The following PARD3B variants were observed in gnomAD, a reference collection of about 807,000 sequenced individuals.
The protein encoded by PARD3B is par-3 family cell polarity regulator beta, also known as partitioning defective 3 homolog B.
PARD3B carries 103 observed loss-of-function variants against 130.2 expected under a neutral mutation model. The ratio of observed to expected loss-of-function variants is 0.79; its 90% CI spans 0.67 to 0.93. The LOEUF (loss-of-function observed/expected upper bound fraction) is 0.93. Among genes scored for constraint, PARD3B ranks in the 40% least tolerant of loss-of-function variants. The pLI, the probability that PARD3B is intolerant of heterozygous loss-of-function variation, is 0.00. For missense variants in PARD3B, 1,609 were observed against 1,499.2 expected (o/e 1.07, Z -1.21); for synonymous variants, 583 against 553.2 (o/e 1.05, Z -0.76).
At chr2:204,630,334 G>T (rs961820280) in intron 1 of PARD3B, among the ~76,000 whole-genome samples, 3 of 152,076 alleles carry the variant, frequency 2.0e-5, no homozygotes, top group Non-Finnish European at 2.9e-5. Flanking sequence ...AAAATGTTTT[G>T]AAGTGTCTGC....
In PARD3B at chr2:204,799,199, A is replaced by G. The variant is rs936091764; in HGVS notation, c.222+112917A>G. The stretch of plus-strand genomic sequence containing the variant: ...TCACCACAAGCTGCCTGAAAAGCCC[A>G]TGGGCCTCGAGGGAACATCTGCAGT... On this transcript the variant is annotated intron_variant, in intron 2 of 22. Transcript: ENST00000406610. This position sits in a 1 kb window ranked among gnomAD's most constrained non-coding sequence, Gnocchi z 4.1. Among the ~76,000 whole-genome samples the G allele has an allele frequency of 6.6e-6, 1 of 151,890 alleles. No individual in the cohort carries two copies. Among genetic ancestry groups the G allele is most frequent in the African/African-American group, 2.4e-5 (1 of 41,366 alleles).
At chr2:205,581,110 T>A (rs1257848939) in intron 22 of PARD3B, among the ~76,000 whole-genome samples, 1 of 151,920 alleles carries the variant, frequency 6.6e-6, no homozygotes, top group East Asian at 1.9e-4. Context: ...AGGGAATTGG[T>A]ATATCAAAGA....
chr2:204,794,346 A>G (rs567075609), intron 2 of PARD3B, among the ~76,000 whole-genome samples: 3 of 152,304 alleles, frequency 2.0e-5, no homozygotes, highest in East Asian at 1.9e-4. Context: ...ACATTAATGA[A>G]AGTAACGTGA....
At chr2:205,143,679 C>A (rs1362289485) in intron 10 of PARD3B, among the ~76,000 whole-genome samples, 2 of 152,104 alleles carry the variant, frequency 1.3e-5, no homozygotes, top group Non-Finnish European at 2.9e-5. Context: ...GTAGCCCGAG[C>A]CAGTATTTTA....
chr2:205,440,444 G>C lies in PARD3B; in HGVS notation c.2816G>C (p.Gly939Ala), dbSNP rs1311659137. Residue 939 changes from glycine to alanine, a missense_variant, in exon 20 of 23, where the codon GGA becomes GCA. By Grantham distance (60) the Gly-to-Ala change is moderately conservative (BLOSUM62 0). Coordinates refer to ENST00000406610, the MANE Select transcript of PARD3B (RefSeq NM_001302769.2). This position sits in a 1 kb window ranked among gnomAD's most constrained non-coding sequence, Gnocchi z 4.2. ...CTTGATTATGCTACTGGTGCAATTG[G>C]ATCAGTGTATGATATGGATGATGAT... is the stretch of plus-strand genomic sequence containing the variant. Reference protein sequence around the residue: ...GLLDYATGAIGSVYDMDDDEM... With the variant: ...GLLDYATGAIASVYDMDDDEM... 6.2e-7 allele frequency: 1 copy of C among 1,614,014 alleles called. No homozygotes were observed.
At chr2:204,909,332 G>A (rs1054066217) in intron 2 of PARD3B, among the ~76,000 whole-genome samples, 16 of 152,118 alleles carry the variant, frequency 1.1e-4, no homozygotes, top group African/African-American at 3.9e-4. Context: ...GATGTTTATT[G>A]CAGCATCATT....
intron 16 of PARD3B, among the ~76,000 whole-genome samples, chr2:205,248,979 C>A (rs1488850804): frequency 7.1e-6 from 1 of 141,486 alleles, no homozygotes; most frequent in Non-Finnish European, 1.5e-5. Flanking sequence ...CAAATTCTTT[C>A]TTCAGAATAT....
chr2:204,877,538 T>C, intron 2 of PARD3B, among the ~76,000 whole-genome samples: 1 of 152,200 alleles, frequency 6.6e-6, no homozygotes, highest in Admixed American at 6.6e-5. Flanking sequence ...TATAAGGTCC[T>C]GGAACCAATG....
At chr2:204,751,235 C>A (rs1179840402) in intron 2 of PARD3B, among the ~76,000 whole-genome samples, 3 of 152,136 alleles carry the variant, frequency 2.0e-5, no homozygotes, top group Non-Finnish European at 4.4e-5. Context: ...GATTGGAAAT[C>A]TTAATGGAGG....
At chr2:204,963,335 A>G (rs1690919463) in intron 2 of PARD3B, among the ~76,000 whole-genome samples, 1 of 152,182 alleles carries the variant, frequency 6.6e-6, no homozygotes, top group Non-Finnish European at 1.5e-5. Flanking sequence ...AAGCTTTTGT[A>G]TTATACTTCT....
chr2:204,963,398 T>C (rs1402338390), intron 2 of PARD3B, among the ~76,000 whole-genome samples: 1 of 152,184 alleles, frequency 6.6e-6, no homozygotes, highest in Non-Finnish European at 1.5e-5. Context: ...ACATGGGTTA[T>C]ACTGAGTTAA....
chr2:204,722,504 T>C (rs1021128042), intron 2 of PARD3B, among the ~76,000 whole-genome samples: 5 of 152,184 alleles, frequency 3.3e-5, no homozygotes, highest in African/African-American at 1.2e-4. Flanking sequence ...TTGGTTACCA[T>C]GCCCATTGCT....
chr2:204,914,264 T>G (rs2047359342), intron 2 of PARD3B, among the ~76,000 whole-genome samples: 1 of 152,160 alleles, frequency 6.6e-6, no homozygotes, highest in Non-Finnish European at 1.5e-5. Flanking sequence ...TAAATTCCAT[T>G]TTTCTCACCC....
At chr2:205,045,341 C>T (rs540957395) in intron 3 of PARD3B, among the ~76,000 whole-genome samples, 13 of 151,652 alleles carry the variant, frequency 8.6e-5, no homozygotes, top group African/African-American at 1.7e-4. Flanking sequence ...CTCCGCCTCC[C>T]GGGTTCAAGT....
intron 20 of PARD3B, among the ~76,000 whole-genome samples, chr2:205,472,985 A>G (rs2048892320): frequency 6.6e-6 from 1 of 152,202 alleles, no homozygotes; most frequent in African/African-American, 2.4e-5. Flanking sequence ...GAATGAATGG[A>G]AAGAAAAGTA....
chr2:205,134,654 C>T (rs2032316837), intron 10 of PARD3B, among the ~76,000 whole-genome samples: 1 of 152,142 alleles, frequency 6.6e-6, no homozygotes, highest in African/African-American at 2.4e-5. Flanking sequence ...TGAATGTGCT[C>T]AATAGCCCAC....
intron 14 of PARD3B, among the ~76,000 whole-genome samples, chr2:205,188,561 G>A (rs1165273168): frequency 1.3e-5 from 2 of 152,106 alleles, no homozygotes; most frequent in Non-Finnish European, 2.9e-5. Context: ...AAGCATGGGT[G>A]GAGAAGAAAG....
rs2040849513 is a variant in PARD3B, at chr2:205,274,146, C to G, written c.2186-26384C>G. On this transcript the variant is annotated intron_variant, in intron 16 of 22. Coordinates refer to ENST00000406610, the MANE Select transcript of PARD3B (RefSeq NM_001302769.2). This position sits in a 1 kb window ranked among gnomAD's most constrained non-coding sequence, Gnocchi z 4.2. ...TATTTTCCCTCATATGTATATATAT[C>G]TTTATCTTAGATAAATTACTATTGC... Among the ~76,000 whole-genome samples the G allele has an allele frequency of 6.6e-6, 1 of 152,070 alleles. No homozygotes were observed. Among genetic ancestry groups the G allele is most frequent in the Non-Finnish European group, 1.5e-5 (1 of 68,018 alleles).
At chr2:205,075,203 T>TA (rs1364759348) in intron 4 of PARD3B, among the ~76,000 whole-genome samples, 3 of 152,190 alleles carry the variant, frequency 2.0e-5, no homozygotes, top group Admixed American at 6.5e-5. Context: ...GACCTATAGG[T>TA]ATTTCACATC....
Sources: gnomAD v4.1 joint callset for allele counts (sites outside exome capture counted in the v4.1 genomes callset) on GRCh38, gnomAD v4.1.1 for gene constraint, Gnocchi (gnomAD v3.1) non-coding constraint, MANE v1.5 for transcripts, NCBI Gene and HGNC (gene_info 2026-07-23, HGNC 2026-07-21) for gene names.